ADAMTSL1: variants seen among roughly 807,000 people sequenced by gnomAD.
ADAMTSL1 encodes ADAMTS-like protein 1.
In ADAMTSL1, 126 loss-of-function variants were observed where a neutral mutation model predicts 201.8. The ratio of observed to expected loss-of-function variants is 0.62; its 90% confidence interval spans 0.54 to 0.72. ADAMTSL1 has a LOEUF of 0.72. Among genes scored for constraint, ADAMTSL1 ranks in the 30% least tolerant of loss-of-function variants. The probability of loss-of-function intolerance (pLI) is 0.00; values close to 1 mark genes in which losing one functional copy is unlikely to be tolerated. For synonymous variants in ADAMTSL1, 1,121 were observed against 903.4 expected, an observed-to-expected ratio of 1.24 and a Z score of -4.32; for missense variants, 2,679 against 2,277.8, an observed-to-expected ratio of 1.18 and a Z score of -3.59.
At chr9:18,790,718 C>A (rs1821981177) in intron 19 of ADAMTSL1, among the ~76,000 whole-genome samples, 1 of 152,138 alleles carries the variant, frequency 6.6e-6, no homozygotes, top group South Asian at 2.1e-4. Context: ...CATATTGTCA[C>A]ATAGAAGCTT....
chr9:18,083,904 C>T (rs575706945), intron 1 of ADAMTSL1, among the ~76,000 whole-genome samples: 3 of 152,146 alleles, frequency 2.0e-5, no homozygotes, highest in Admixed American at 6.5e-5. Flanking sequence ...GTTCTTGTTT[C>T]CGTAGACCTA....
chr9:18,648,814 C>T (rs1320724508), intron 7 of ADAMTSL1, among the ~76,000 whole-genome samples: 4 of 151,986 alleles, frequency 2.6e-5, no homozygotes, highest in Admixed American at 6.5e-5. Context: ...TCTGGCTGCC[C>T]TTAACATTTT....
intron 1 of ADAMTSL1, among the ~76,000 whole-genome samples, chr9:17,940,788 T>G (rs990978514): frequency 2.1e-5 from 1 of 46,836 alleles, no homozygotes; most frequent in Non-Finnish European, 4.4e-5. Flanking sequence ...AACTTAAAAA[T>G]AAAAGTAAAT....
intron 1 of ADAMTSL1, among the ~76,000 whole-genome samples, chr9:18,084,518 T>C (rs1823656469): frequency 6.8e-6 from 1 of 146,010 alleles, no homozygotes; most frequent in African/African-American, 2.7e-5. Flanking sequence ...CAAGACTCCA[T>C]CTCAAAAAAA....
At chr9:18,260,806 C>A (rs534283864) in intron 2 of ADAMTSL1, among the ~76,000 whole-genome samples, 1 of 152,116 alleles carries the variant, frequency 6.6e-6, no homozygotes, top group African/African-American at 2.4e-5. Context: ...AAGCCAAATC[C>A]CATATATTTA....
At chr9:18,236,729 T>C (rs180850254) in intron 2 of ADAMTSL1, among the ~76,000 whole-genome samples, 2 of 152,370 alleles carry the variant, frequency 1.3e-5, no homozygotes, top group Non-Finnish European at 2.9e-5. Context: ...ATCTTAGCTA[T>C]ATTTTCAGCG....
chr9:18,718,645 G>T (rs1026569834), intron 14 of ADAMTSL1: 1 of 358,414 alleles, frequency 2.8e-6, no homozygotes, highest in Non-Finnish European at 5.5e-6. Flanking sequence ...TGCCGCCGCC[G>T]CTCCAGCTGG....
At chr9:18,159,231 A>G (rs768511853) in intron 1 of ADAMTSL1, among the ~76,000 whole-genome samples, 6 of 152,072 alleles carry the variant, frequency 3.9e-5, no homozygotes, top group Non-Finnish European at 7.4e-5. Flanking sequence ...TATTTTACAG[A>G]GTCCTTTTGG....
chr9:18,671,995 C>T (rs1829846410), intron 9 of ADAMTSL1, among the ~76,000 whole-genome samples: 3 of 152,040 alleles, frequency 2.0e-5, no homozygotes, highest in African/African-American at 7.2e-5. Context: ...CGAGATCGCA[C>T]CTCTGCACTC....
At chr9:18,517,567 C>A (rs189206602) in intron 2 of ADAMTSL1, among the ~76,000 whole-genome samples, 4 of 137,096 alleles carry the variant, frequency 2.9e-5, no homozygotes, top group East Asian at 2.5e-4. Context: ...ATCCCTCCCC[C>A]CTCCCCCCAC....
At chr9:18,594,087 G>C (rs1277665398) in intron 4 of ADAMTSL1, among the ~76,000 whole-genome samples, 1 of 151,846 alleles carries the variant, frequency 6.6e-6, no homozygotes, top group Non-Finnish European at 1.5e-5. Flanking sequence ...TTTTAGTCTG[G>C]AAAAGTCTTT....
At chr9:18,239,867 G>A (rs1830995675) in intron 2 of ADAMTSL1, among the ~76,000 whole-genome samples, 1 of 152,162 alleles carries the variant, frequency 6.6e-6, no homozygotes, top group South Asian at 2.1e-4. Flanking sequence ...GTTCATTCAA[G>A]TTTTATTGTG....
At chr9:18,209,974 C>T (rs1005057827) in intron 2 of ADAMTSL1, among the ~76,000 whole-genome samples, 2 of 152,070 alleles carry the variant, frequency 1.3e-5, no homozygotes, top group African/African-American at 4.8e-5. Flanking sequence ...ACATTATTTC[C>T]CATATGTTAT....
chr9:18,130,717 C>T (rs1488807940), intron 1 of ADAMTSL1, among the ~76,000 whole-genome samples: 4 of 152,096 alleles, frequency 2.6e-5, no homozygotes, highest in South Asian at 2.1e-4. Flanking sequence ...TTCAGCATTC[C>T]CACCAGACAC....
At chr9:18,326,033 T>C (rs74684098) in intron 2 of ADAMTSL1, among the ~76,000 whole-genome samples, 6,062 of 152,146 alleles carry the variant, frequency 0.04, 413 homozygotes, top group African/African-American at 0.14. Flanking sequence ...TGAGCCACCA[T>C]GCCCGGCCTA....
intron 1 of ADAMTSL1, among the ~76,000 whole-genome samples, chr9:18,066,790 T>C (rs1160794601): frequency 6.6e-6 from 1 of 152,178 alleles, no homozygotes; most frequent in Non-Finnish European, 1.5e-5. Flanking sequence ...ATATACACCA[T>C]GGAATACTAT....
intron 15 of ADAMTSL1, 33 bp from the exon 16 acceptor site, chr9:18,753,265 G>C (rs1819561362): frequency 6.3e-7 from 1 of 1,579,190 alleles, no homozygotes; most frequent in Non-Finnish European, 8.6e-7. Flanking sequence ...AGGTACTAAG[G>C]GTGTGTCCTC....
At chr9:18,284,243 A>G (rs894029197) in intron 2 of ADAMTSL1, among the ~76,000 whole-genome samples, 4 of 152,094 alleles carry the variant, frequency 2.6e-5, no homozygotes, top group Non-Finnish European at 5.9e-5. Context: ...AAAATAAAAT[A>G]AAAAAAGAAT....
At chr9:18,040,491 G>A (rs747605996) in intron 1 of ADAMTSL1, among the ~76,000 whole-genome samples, 41 of 152,196 alleles carry the variant, frequency 2.7e-4, no homozygotes, top group Non-Finnish European at 1.5e-4. Flanking sequence ...TGCTGGGCCG[G>A]TAGGAATCAT....
Sources: allele counts gnomAD v4.1 joint callset (sites outside exome capture counted in the v4.1 genomes callset), GRCh38; gene constraint gnomAD v4.1.1; transcripts MANE v1.5; gene names NCBI Gene and HGNC (gene_info 2026-07-23, HGNC 2026-07-21).